The following SUPT6H variants were observed in gnomAD, a reference collection of about 807,000 sequenced individuals.
SUPT6H encodes the protein transcription elongation factor SPT6.
SUPT6H carries 11 observed loss-of-function variants against 222.3 expected under a neutral mutation model. The observed-to-expected ratio is 0.05, with a 90% CI of 0.03 to 0.08. The LOEUF is 0.08. SUPT6H is among the 10% of genes least tolerant of loss of function. The pLI, the probability that SUPT6H is intolerant of heterozygous loss-of-function variation, is 1.00. For missense variants in SUPT6H, 1,422 were observed against 2,216.0 expected (o/e 0.64, Z 7.19); for synonymous variants, 762 against 801.2 (o/e 0.95, Z 0.83).
intron 12 of SUPT6H, 99 bp from the exon 13 acceptor site, chr17:28,681,783 C>A: frequency 9.7e-7 from 1 of 1,027,274 alleles, no homozygotes; most frequent in East Asian, 2.7e-5. Context: ...TGAAGGAGGC[C>A]CTTGGCTGGG....
chr17:28,678,018 T>C, intron 8 of SUPT6H, 58 bp from the exon 9 acceptor site: 3 of 1,542,332 alleles, frequency 1.9e-6, no homozygotes, highest in East Asian at 2.2e-5. Context: ...AGCAGTCTTG[T>C]ATGGTAAGAC....
intron 17 of SUPT6H, 86 bp downstream of exon 17, chr17:28,683,902 C>G: frequency 7.9e-7 from 1 of 1,268,700 alleles, no homozygotes; most frequent in Non-Finnish European, 1.1e-6. Context: ...GTGGCGCAAT[C>G]TTGGCTCACT....
chr17:28,697,902 C>A lies in SUPT6H; in HGVS notation c.4324-4C>A. On this transcript the variant is annotated splice_polypyrimidine_tract_variant and splice_region_variant and intron_variant, in intron 31 of 36. Coordinates refer to ENST00000314616, the MANE Select transcript of SUPT6H (RefSeq NM_003170.5). ...CCAACCTCTCCCCCTCATTCTACCC[C>A]CAGAAATTAGAGGAGCTGCTCATCA... The A allele has an allele frequency of 6.2e-7, 1 of 1,613,870 alleles. No homozygotes were observed. The highest frequency in any genetic ancestry group is 1.1e-5 in the South Asian group (1 of 91,042).
intron 3 of SUPT6H, 41 bp from the exon 4 acceptor site, chr17:28,674,496 A>G: frequency 6.2e-7 from 1 of 1,614,142 alleles, no homozygotes; most frequent in Non-Finnish European, 8.5e-7. Flanking sequence ...GCAGTGGAAA[A>G]GGGCAACCCC....
At chr17:28,695,256 A>G in intron 28 of SUPT6H, 96 bp from the exon 29 acceptor site, 1 of 1,320,650 alleles carries the variant, frequency 7.6e-7, no homozygotes, top group Non-Finnish European at 1.0e-6. Context: ...TACACCTTAC[A>G]CCTTTCTGCC....
chr17:28,678,646 C>A lies in SUPT6H; in HGVS notation c.1206+12C>A. The stretch of plus-strand genomic sequence containing the variant: ...AGTGGGATGAAAAGGTAATGTAGAT[C>A]CGTGGCCCCCAAGAGGTGTGGGCCA... On this transcript the variant is annotated intron_variant, in intron 10 of 36. Coordinates refer to ENST00000314616, the MANE Select transcript of SUPT6H (RefSeq NM_003170.5). The A allele has an allele frequency of 6.2e-7, 1 of 1,613,796 alleles. No homozygotes were observed. The highest frequency in any genetic ancestry group is 8.5e-7 in the Non-Finnish European group (1 of 1,179,890).
chr17:28,699,815 C>T lies in SUPT6H; in HGVS notation c.4483C>T (p.Arg1495Trp), dbSNP rs2151668199. The T allele has an allele frequency of 1.2e-6, 2 of 1,614,172 alleles. No individual in the cohort carries two copies. The highest frequency in any genetic ancestry group is 1.1e-5 in the South Asian group (1 of 91,082). ...TGTAACGGTGACTCCAGAGGGATTCCGGTACCGGGGCCAGATCTTCCCAAC... is the reference window on the plus strand; with the variant it reads ...TGTAACGGTGACTCCAGAGGGATTCTGGTACCGGGGCCAGATCTTCCCAAC... ...EYVTVTPEGF[R>W]YRGQIFPTVN... The change falls in exon 33 of 37, where the codon CGG becomes TGG. Residue 1495 changes from arginine to tryptophan, a missense_variant. Physicochemically the swap from Arg to Trp is moderately radical, Grantham distance 101. Transcript: ENST00000314616.
chr17:28,691,238 C>A, intron 27 of SUPT6H, 175 bp downstream of exon 27: 1 of 873,000 alleles, frequency 1.1e-6, no homozygotes, highest in Non-Finnish European at 1.7e-6. Context: ...TCTGAGAAGG[C>A]TGACATAGCT....
At position 28,675,034 on chromosome 17, in the gene SUPT6H, A is replaced by T. The variant is rs752630698; in HGVS notation, c.410A>T (p.Lys137Met). 1 of 1,614,228 alleles carries T rather than the reference A, an allele frequency of 6.2e-7. No homozygotes were observed. The highest frequency in any genetic ancestry group is 1.1e-5 in the South Asian group (1 of 91,088). ...GACGATGACGAGGAGGAATATGGCAAGGAGGAACATGAAAAAGAAGCTATT... is the reference window on the plus strand; with the variant it reads ...GACGATGACGAGGAGGAATATGGCATGGAGGAACATGAAAAAGAAGCTATT... ...DEDDDEEEYG[K>M]EEHEKEAIAE... is the part of the protein sequence containing the mutation. The change falls in exon 5 of 37, where the codon AAG becomes ATG. Residue 137 changes from lysine (K) to methionine (M), a missense_variant. By Grantham distance (95) the Lys-to-Met change is moderately conservative. This residue lies in a region of SUPT6H where 389 missense variants were observed against 544.6 expected (regional missense o/e 0.71). Coordinates refer to ENST00000314616, the MANE Select transcript of SUPT6H (RefSeq NM_003170.5).
chr17:28,668,492 T>G (rs1298285624), intron 1 of SUPT6H, among the ~76,000 whole-genome samples: 1 of 152,148 alleles, frequency 6.6e-6, no homozygotes, highest in Admixed American at 6.5e-5. Context: ...TTGGAGGCAT[T>G]CCCCAGCTAT....
rs2032164920 is a variant in SUPT6H, at chr17:28,702,231, A to T, written c.*606A>T. The T allele has an allele frequency of 6.5e-6, 1 of 153,038 alleles. No individual in the cohort carries two copies. Among genetic ancestry groups the T allele is most frequent in the African/African-American group, 2.4e-5 (1 of 41,404 alleles). The allele number at this position is 153,038 out of a possible 1,614,324, so 9.5% of individuals were successfully genotyped here. On this transcript the variant is annotated 3_prime_UTR_variant, in exon 37 of 37. Coordinates refer to ENST00000314616, the MANE Select transcript of SUPT6H (RefSeq NM_003170.5). ...ATTTGAATAAACAGTGTTTCTATTG[A>T]GCTCTTGCCAAAGCCTCTCTCTCCA...
intron 1 of SUPT6H, among the ~76,000 whole-genome samples, chr17:28,667,393 A>AC (rs2030096852): frequency 1.4e-5 from 1 of 73,036 alleles, no homozygotes; most frequent in African/African-American, 5.0e-5. Flanking sequence ...AAAAAAAAAA[A>AC]AGTGTGTGTG....
rs1390003473 is a variant in SUPT6H, at chr17:28,684,955, A to G, written c.2481A>G (p.Glu827=). ...RRTAWREEER[E]KKAQDIETLK... is the part of the protein sequence containing the mutation. ...CTGCATGGAGAGAGGAAGAGCGGGA[A>G]AAGAAGGCAAGTGGCTAGGACGAGG... Residue 827 remains glutamate (E), a synonymous_variant, in exon 19 of 37, where the codon GAA becomes GAG. Coordinates refer to ENST00000314616, the MANE Select transcript of SUPT6H (RefSeq NM_003170.5). 81 of 1,613,760 alleles carry G rather than the reference A, an allele frequency of 5.0e-5. No homozygotes were observed. The highest frequency in any genetic ancestry group is 6.7e-5 in the Non-Finnish European group (79 of 1,179,892).
chr17:28,673,496 A>C lies in SUPT6H; in HGVS notation c.95A>C (p.Glu32Ala). ...CCCCGAGTCACCAAGAAATTTGTGG[A>C]AGAGGAGGATGATGGTGAGGAGGCC... ...VVPRVTKKFV[E>A]EEDDDEEEEE... Residue 32 changes from glutamate (E) to alanine (A), a missense_variant, in exon 2 of 37, where the codon GAA becomes GCA. Around this residue, in one of 13 missense-constraint regions of SUPT6H, gnomAD observed 89 missense variants for 118.9 expected, o/e 0.75. Coordinates refer to ENST00000314616, the MANE Select transcript of SUPT6H (RefSeq NM_003170.5). 2 of 1,612,922 alleles carry C rather than the reference A, an allele frequency of 1.2e-6. No individual in the cohort carries two copies. The highest frequency in any genetic ancestry group is 1.7e-6 in the Non-Finnish European group (2 of 1,179,620).
chr17:28,676,406 C>T lies in SUPT6H; in HGVS notation c.873C>T (p.Ala291=). 1 of 1,613,940 alleles carries T rather than the reference C, an allele frequency of 6.2e-7. No individual in the cohort carries two copies. The highest frequency in any genetic ancestry group is 8.5e-7 in the Non-Finnish European group (1 of 1,180,014). The change falls in exon 7 of 37, where the codon GCC becomes GCT. Residue 291 remains alanine, a synonymous_variant. Transcript: ENST00000314616. ...CAGATCAGGACAATGAAATCCGAGCCACTGACCTGCCTGAGAGGTTCCAGG... is the reference window on the plus strand; with the variant it reads ...CAGATCAGGACAATGAAATCCGAGCTACTGACCTGCCTGAGAGGTTCCAGG... ...HLTDQDNEIR[A]TDLPERFQLR... is the part of the protein sequence containing the mutation.
Position 28,690,962 on chromosome 17 carries a change from C to T in SUPT6H, c.3532C>T (p.Arg1178Cys), listed in dbSNP as rs746895851. ...CAATGTCACTGGCATTGCCCACAGG[C>T]GTCCCCAGGGTGAGAGCTATGACCA... ...ICNVTGIAHR[R>C]PQGESYDQAI... Residue 1178 changes from arginine to cysteine, a missense_variant, in exon 27 of 37, where the codon CGT becomes TGT. By Grantham distance (180) the Arg-to-Cys change is radical (BLOSUM62 -3). Transcript: ENST00000314616. The T allele has an allele frequency of 2.5e-6, 4 of 1,613,976 alleles. No homozygotes were observed. The highest frequency in any genetic ancestry group is 1.7e-4 in the Middle Eastern group (1 of 5,932).
At chr17:28,676,123 A>C in intron 6 of SUPT6H, 34 bp from the exon 7 acceptor site, 2 of 1,550,164 alleles carry the variant, frequency 1.3e-6, no homozygotes, top group Non-Finnish European at 1.7e-6. Flanking sequence ...TCTCACCTGA[A>C]CCTGAGCCAC....
intron 21 of SUPT6H, 85 bp downstream of exon 21, chr17:28,686,874 A>T (rs762802038): frequency 3.4e-6 from 5 of 1,483,094 alleles, no homozygotes; most frequent in Non-Finnish European, 4.5e-6. Flanking sequence ...AAAAGTTATC[A>T]GGGGCACAGG....
chr17:28,680,875 C>G (rs2031065403), intron 11 of SUPT6H, among the ~76,000 whole-genome samples: 1 of 152,186 alleles, frequency 6.6e-6, no homozygotes, highest in African/African-American at 2.4e-5. Context: ...TCTCTATCTC[C>G]TGACGTCGCG....
Sources: gnomAD v4.1 joint callset for allele counts (sites outside exome capture counted in the v4.1 genomes callset) on GRCh38, gnomAD v4.1.1 for gene constraint, gnomAD v4.1.1 regional missense constraint, MANE v1.5 for transcripts, NCBI Gene and HGNC (gene_info 2026-07-23, HGNC 2026-07-21) for gene names.